Variants in PPIL4 observed in about 807,000 individuals in gnomAD.
The protein encoded by PPIL4 is peptidylprolyl isomerase like 4.
In PPIL4, 50 loss-of-function variants were observed where a neutral mutation model predicts 69.1. The observed-to-expected ratio is 0.72, with a 90% confidence interval of 0.58 to 0.92. PPIL4 has a LOEUF of 0.92. Among genes scored for constraint, PPIL4 ranks in the 40% least tolerant of loss-of-function variants. The pLI is 0.00. For synonymous variants in PPIL4, 193 were observed against 191.6 expected, an observed-to-expected ratio of 1.01 and a Z score of -0.06; for missense variants, 480 against 587.9, an observed-to-expected ratio of 0.82 and a Z score of 1.90.
At chr6:149,532,819 A>G (rs1777219679) in intron 7 of PPIL4, among the ~76,000 whole-genome samples, 1 of 152,210 alleles carries the variant, frequency 6.6e-6, no homozygotes, top group Non-Finnish European at 1.5e-5. Flanking sequence ...CTGTCTCTAT[A>G]AAATAATAAA....
intron 11 of PPIL4, among the ~76,000 whole-genome samples, chr6:149,514,808 T>C (rs969355138): frequency 6.6e-6 from 1 of 151,658 alleles, no homozygotes; most frequent in Non-Finnish European, 1.5e-5. Flanking sequence ...GTACTGTGAC[T>C]GTATTGGGTT....
At position 149,535,756 on chromosome 6, in the gene PPIL4, T is replaced by C; in HGVS notation, c.322-18A>G. ...ATAAGAAACTATAAAGAAGGACACA[T>C]AATAAATACCATAAAAATAATACAT... On this transcript the variant is annotated intron_variant, in intron 4 of 12. Coordinates refer to ENST00000253329, the MANE Select transcript of PPIL4 (RefSeq NM_139126.4). 2.6e-6 allele frequency: 4 copies of C among 1,529,066 alleles called. No individual in the cohort carries two copies. Among genetic ancestry groups the C allele is most frequent in the Non-Finnish European group, 3.6e-6 (4 of 1,119,674 alleles). The allele number at this position is 1,529,066 out of a possible 1,614,324, so 94.7% of individuals were successfully genotyped here.
At chr6:149,510,271 C>A (rs1390864773) in intron 12 of PPIL4, among the ~76,000 whole-genome samples, 1 of 151,806 alleles carries the variant, frequency 6.6e-6, no homozygotes, top group East Asian at 1.9e-4. Flanking sequence ...AAATCAATAA[C>A]CCATAAAACA....
intron 8 of PPIL4, among the ~76,000 whole-genome samples, chr6:149,525,552 G>A (rs887819303): frequency 6.6e-6 from 1 of 152,082 alleles, no homozygotes; most frequent in Non-Finnish European, 1.5e-5. Context: ...TCCAAATATA[G>A]TCGAATTATA....
intron 11 of PPIL4, among the ~76,000 whole-genome samples, chr6:149,512,732 A>C (rs1013624525): frequency 6.6e-6 from 1 of 152,102 alleles, no homozygotes; most frequent in Non-Finnish European, 1.5e-5. Flanking sequence ...TCGAGTTATC[A>C]TGTTTAAATT....
chr6:149,533,067 T>A (rs1777223123), intron 7 of PPIL4, among the ~76,000 whole-genome samples: 1 of 152,214 alleles, frequency 6.6e-6, no homozygotes. Context: ...GAGTGCTCAG[T>A]TTCCACCCAT....
chr6:149,534,977 A>T (rs771299780), intron 5 of PPIL4, among the ~76,000 whole-genome samples: 1 of 152,234 alleles, frequency 6.6e-6, no homozygotes, highest in African/African-American at 2.4e-5. Context: ...ATCACCCTGC[A>T]TTACTTTAAG....
chr6:149,506,080 T>C (rs1222071220), intron 12 of PPIL4, among the ~76,000 whole-genome samples: 1 of 152,222 alleles, frequency 6.6e-6, no homozygotes, highest in Non-Finnish European at 1.5e-5. Flanking sequence ...GGTCCCATTA[T>C]TGATCTGCAA....
At chr6:149,530,739 A>G (rs550999460) in intron 7 of PPIL4, among the ~76,000 whole-genome samples, 1 of 152,246 alleles carries the variant, frequency 6.6e-6, no homozygotes, top group African/African-American at 2.4e-5. Flanking sequence ...GGGGGTGGGA[A>G]ATTACCACTT....
intron 4 of PPIL4, among the ~76,000 whole-genome samples, chr6:149,539,035 C>T (rs1218468046): frequency 5.3e-5 from 8 of 152,034 alleles, no homozygotes; most frequent in Non-Finnish European, 8.8e-5. Context: ...TTAGTAGAGA[C>T]GGGGTTTCAC....
intron 9 of PPIL4, among the ~76,000 whole-genome samples, chr6:149,524,826 A>G (rs757267422): frequency 1.2e-4 from 18 of 152,048 alleles, no homozygotes; most frequent in Admixed American, 3.3e-4. Context: ...CGCTTGAACC[A>G]GGAGGCGGAG....
rs1777220073 is a variant in PPIL4 at position 149,532,850 on chromosome 6, C to A, written c.678+608G>T. Among the ~76,000 whole-genome samples the A allele has an allele frequency of 3.3e-5, 5 of 152,118 alleles. No homozygotes were observed. The South Asian group carries it at 1.0e-3, about 32-fold the overall frequency. On this transcript the variant is annotated intron_variant, in intron 7 of 12. Coordinates refer to ENST00000253329, the MANE Select transcript of PPIL4 (RefSeq NM_139126.4). ...ATAAATAAATAAACTTTAAAACAGA[C>A]TACAAATCTGAAAGTTCTATTATAT...
At chr6:149,523,995 T>C (rs1562259223) in intron 9 of PPIL4, among the ~76,000 whole-genome samples, 1 of 152,212 alleles carries the variant, frequency 6.6e-6, no homozygotes, top group African/African-American at 2.4e-5. Flanking sequence ...TCATCTTGTA[T>C]CCCTAGGCCT....
chr6:149,527,026 C>T (rs1392884620), intron 7 of PPIL4, among the ~76,000 whole-genome samples: 1 of 152,154 alleles, frequency 6.6e-6, no homozygotes, highest in Non-Finnish European at 1.5e-5. Context: ...AGATCTATTA[C>T]GCTAATTCTT....
chr6:149,542,105 T>G (rs1461542498), intron 1 of PPIL4, among the ~76,000 whole-genome samples: 1 of 152,100 alleles, frequency 6.6e-6, no homozygotes, highest in Non-Finnish European at 1.5e-5. Flanking sequence ...ATAGGAGTTT[T>G]GGGGCATCTG....
intron 6 of PPIL4, 55 bp from the exon 7 acceptor site, chr6:149,533,629 A>G: frequency 1.0e-6 from 1 of 970,512 alleles, no homozygotes; most frequent in South Asian, 1.5e-5. Context: ...AAATCTGAGA[A>G]ACATAGAAGA....
At chr6:149,512,740 ATTC>A (rs1023605984) in intron 11 of PPIL4, among the ~76,000 whole-genome samples, 21 of 152,032 alleles carry the variant, frequency 1.4e-4, no homozygotes, top group Admixed American at 4.6e-4. Context: ...TCATGTTTAA[ATTC>A]TTCTTATTAT....
chr6:149,524,855 T>G (rs570321151), intron 9 of PPIL4, among the ~76,000 whole-genome samples: 15 of 151,568 alleles, frequency 9.9e-5, no homozygotes, highest in Non-Finnish European at 2.2e-4. Flanking sequence ...GAGTCGAGAC[T>G]GCGCCACTGC....
chr6:149,529,993 TG>T lies in PPIL4; in HGVS notation c.679-3218del, dbSNP rs145411026. ...TCAGTAGTTGCCAAGAAGTGGGTGT[TG>T]GGGGTGGGGATGAACAGGTGGAGCC... On this transcript the variant is annotated intron_variant, in intron 7 of 12. Coordinates refer to ENST00000253329, the MANE Select transcript of PPIL4 (RefSeq NM_139126.4). Among the ~76,000 whole-genome samples the T allele has an allele frequency of 3.3e-5, 5 of 152,066 alleles. No homozygotes were observed. The East Asian group carries it at 9.6e-4, about 29-fold the overall frequency.
Sources: gnomAD v4.1 joint callset for allele counts (sites outside exome capture counted in the v4.1 genomes callset) on GRCh38, gnomAD v4.1.1 for gene constraint, MANE v1.5 for transcripts, NCBI Gene and HGNC (gene_info 2026-07-23, HGNC 2026-07-21) for gene names.